Variants in DAB1 observed in about 807,000 individuals in gnomAD.
The protein encoded by DAB1 is disabled homolog 1.
A neutral mutation model predicts 64.6 loss-of-function variants in DAB1; 15 were observed. The observed-to-expected ratio is 0.23, with a 90% CI of 0.16 to 0.36. DAB1 has a LOEUF of 0.36. Among genes scored for constraint, DAB1 ranks in the 10% least tolerant of loss-of-function variants. The pLI is 1.00. For missense variants in DAB1, 596 were observed against 706.7 expected (o/e 0.84, Z 1.78); for synonymous variants, 235 against 251.9 (o/e 0.93, Z 0.64).
intron 5 of DAB1, among the ~76,000 whole-genome samples, chr1:57,927,071 C>T (rs1644889990): frequency 6.6e-6 from 1 of 152,194 alleles, no homozygotes; most frequent in Non-Finnish European, 1.5e-5. Flanking sequence ...ATAAATTAAA[C>T]TTTCTGATCA....
intron 6 of DAB1, among the ~76,000 whole-genome samples, chr1:57,688,181 T>C (rs1646723445): frequency 6.6e-6 from 1 of 152,148 alleles, no homozygotes; most frequent in Non-Finnish European, 1.5e-5. Context: ...AAAGATCTAA[T>C]ATCCAGATTA....
intron 3 of DAB1, among the ~76,000 whole-genome samples, chr1:57,141,657 A>T (rs1204687429): frequency 1.3e-5 from 2 of 152,158 alleles, no homozygotes; most frequent in Non-Finnish European, 2.9e-5. Context: ...TCTGACTGAC[A>T]TACTTAAGGT....
intron 1 of DAB1, chr1:58,542,411 T>C (rs1034009527): frequency 2.0e-5 from 3 of 152,246 alleles, no homozygotes; most frequent in East Asian, 1.9e-4. Flanking sequence ...TATAATCTAG[T>C]TGGGGAGACA....
intron 14 of DAB1, among the ~76,000 whole-genome samples, 192 bp downstream of exon 14, chr1:57,010,488 T>G (rs1301006600): frequency 1.3e-5 from 2 of 152,048 alleles, no homozygotes; most frequent in Admixed American, 6.6e-5. Context: ...GTGATATAGC[T>G]CAGGCAAGAA....
intron 6 of DAB1, among the ~76,000 whole-genome samples, chr1:57,690,659 C>T (rs1398200652): frequency 6.6e-6 from 1 of 151,916 alleles, no homozygotes; most frequent in African/African-American, 2.4e-5. Context: ...AGGTATATAC[C>T]CAGCAGTGAG....
At chr1:57,809,188 C>G (rs1231212077) in intron 6 of DAB1, among the ~76,000 whole-genome samples, 1 of 152,102 alleles carries the variant, frequency 6.6e-6, no homozygotes, top group African/African-American at 2.4e-5. Context: ...TACTCAAGAG[C>G]AGAAAAGCAT....
At chr1:57,256,845 C>T (rs943992440) in intron 2 of DAB1, among the ~76,000 whole-genome samples, 9 of 152,236 alleles carry the variant, frequency 5.9e-5, no homozygotes, top group African/African-American at 2.2e-4. Flanking sequence ...ACTTCCTGGA[C>T]TAGCTGGCCT....
At position 57,568,007 on chromosome 1, in the gene DAB1, G is replaced by A. The variant is rs573620611; in HGVS notation, n.625+81585C>T. On this transcript the variant is annotated intron_variant and non_coding_transcript_variant, in intron 7 of 20. Coordinates refer to the DAB1 transcript ENST00000485760. ...AAAAGAACAAAGCTGGAGGCATCACGCTACCTGACCTCAACCTATACTATA... is the reference window on the plus strand; with the variant it reads ...AAAAGAACAAAGCTGGAGGCATCACACTACCTGACCTCAACCTATACTATA... Among the ~76,000 whole-genome samples the A allele has an allele frequency of 1.5e-3, 230 of 152,240 alleles. 2 individuals carry two copies. The highest frequency in any genetic ancestry group is 4.9e-3 in the African/African-American group (205 of 41,548).
intron 5 of DAB1, among the ~76,000 whole-genome samples, chr1:58,058,929 C>T (rs1231925581): frequency 6.6e-6 from 1 of 152,192 alleles, no homozygotes; most frequent in East Asian, 1.9e-4. Context: ...CTCCATGGTA[C>T]CCATCTTCCT....
At position 57,005,145 on chromosome 1, in the gene DAB1, C is replaced by T. The variant is rs147230294; in HGVS notation, c.*15+5535G>A. Among the ~76,000 whole-genome samples, 19 of 152,202 alleles carry T rather than the reference C, an allele frequency of 1.2e-4. No homozygotes were observed. In the East Asian group the frequency reaches 2.9e-3, roughly 23 times the overall value. ...TCCTGGGGTCTTGGGTGCTGAAATC[C>T]GCTTGGTGCATACAGAGATGCACCA... On this transcript the variant is annotated intron_variant, in intron 14 of 14. Transcript: ENST00000371236.
intron 5 of DAB1, among the ~76,000 whole-genome samples, chr1:57,966,075 T>A (rs1203387729): frequency 6.6e-6 from 1 of 152,196 alleles, no homozygotes. Flanking sequence ...TGGATTAGTA[T>A]TATAATAGCA....
chr1:57,524,295 C>G (rs552535861), intron 7 of DAB1, among the ~76,000 whole-genome samples: 3 of 152,112 alleles, frequency 2.0e-5, no homozygotes, highest in Non-Finnish European at 4.4e-5. Flanking sequence ...AATACAGTGA[C>G]TTAGGGGAAA....
At chr1:57,337,218 G>A (rs1006790762) in intron 1 of DAB1, among the ~76,000 whole-genome samples, 6 of 152,072 alleles carry the variant, frequency 3.9e-5, no homozygotes, top group Non-Finnish European at 5.9e-5. Flanking sequence ...GCTCCTGCTC[G>A]AACTTTCCTA....
At chr1:57,907,283 T>A (rs904814294) in intron 5 of DAB1, among the ~76,000 whole-genome samples, 1 of 152,208 alleles carries the variant, frequency 6.6e-6, no homozygotes, top group African/African-American at 2.4e-5. Flanking sequence ...AGCATAGGTA[T>A]CTGGTGGCCA....
intron 7 of DAB1, among the ~76,000 whole-genome samples, chr1:57,637,253 A>G (rs1646068418): frequency 1.3e-5 from 2 of 152,174 alleles, no homozygotes; most frequent in African/African-American, 2.4e-5. Context: ...ATGTGTTGGG[A>G]ATTGTGCAAG....
At chr1:57,283,400 A>G (rs918854323) in intron 2 of DAB1, among the ~76,000 whole-genome samples, 2 of 152,164 alleles carry the variant, frequency 1.3e-5, no homozygotes, top group African/African-American at 4.8e-5. Flanking sequence ...ACCACTAGAG[A>G]TGTGCTGCCT....
At chr1:57,931,952 ATCTT>A (rs1478612610) in intron 5 of DAB1, among the ~76,000 whole-genome samples, 1 of 151,654 alleles carries the variant, frequency 6.6e-6, no homozygotes, top group Non-Finnish European at 1.5e-5. Context: ...TTAATTTTAG[ATCTT>A]TCTTCTTTTC....
intron 1 of DAB1, among the ~76,000 whole-genome samples, chr1:57,417,122 G>A (rs1430084450): frequency 6.6e-6 from 1 of 152,114 alleles, no homozygotes; most frequent in Non-Finnish European, 1.5e-5. Flanking sequence ...CCAAGAGAAG[G>A]GGACGTATGA....
intron 6 of DAB1, among the ~76,000 whole-genome samples, chr1:57,752,443 C>T (rs1648601349): frequency 6.6e-6 from 1 of 152,104 alleles, no homozygotes; most frequent in South Asian, 2.1e-4. Context: ...TGCTTTATAA[C>T]AGATTAAAGG....
Sources: allele counts gnomAD v4.1 joint callset (sites outside exome capture counted in the v4.1 genomes callset), GRCh38; gene constraint gnomAD v4.1.1; transcripts MANE v1.5; gene names NCBI Gene and HGNC (gene_info 2026-07-23, HGNC 2026-07-21).